The following BANP variants were observed in gnomAD, a reference collection of about 807,000 sequenced individuals.
The protein encoded by BANP is protein BANP.
In BANP, 11 loss-of-function variants were observed where a neutral mutation model predicts 68.1. The observed-to-expected ratio is 0.16, with a 90% confidence interval of 0.10 to 0.27. The LOEUF is 0.27. Among genes scored for constraint, BANP ranks in the 10% least tolerant of loss-of-function variants. The pLI, the probability that BANP is intolerant of heterozygous loss-of-function variation, is 1.00. For synonymous variants in BANP, 329 were observed against 303.2 expected (o/e 1.09, Z -0.88); for missense variants, 504 against 722.7 (o/e 0.70, Z 3.47).
intron 11 of BANP, among the ~76,000 whole-genome samples, chr16:88,059,536 G>C (rs1394251510): frequency 6.6e-6 from 1 of 152,104 alleles, no homozygotes; most frequent in African/African-American, 2.4e-5. Context: ...TAAGGGACAC[G>C]GTTCAGGCCA....
chr16:87,974,238 A>G (rs1264340592), intron 1 of BANP, among the ~76,000 whole-genome samples: 2 of 152,224 alleles, frequency 1.3e-5, no homozygotes, highest in South Asian at 2.1e-4. Context: ...CTGTGTGTCC[A>G]TAGACCATAG....
chr16:87,956,603 G>A (rs149426238), intron 1 of BANP: 1 of 152,262 alleles, frequency 6.6e-6, no homozygotes, highest in South Asian at 2.1e-4. Flanking sequence ...CCCTGCAGGA[G>A]AAGAATGGGG....
At position 88,030,779 on chromosome 16, in the gene BANP, C is replaced by T. The variant is rs188276449; in HGVS notation, c.1064-2330C>T. 1.3e-3 allele frequency among the ~76,000 whole-genome samples: 204 copies of T among 152,274 alleles called. 1 individual carries two copies. Among genetic ancestry groups the T allele is most frequent in the African/African-American group, 4.6e-3 (193 of 41,562 alleles). ...GTTGCAAGGTGCACTCTGGAGCACA[C>T]CCATTCTTTGCTTGTCTGCCCTGTG... On this transcript the variant is annotated intron_variant, in intron 8 of 13. Coordinates refer to ENST00000682872, the MANE Select transcript of BANP (RefSeq NM_001386991.1).
rs150961120 is a variant in BANP, at chr16:88,037,853, G to T, written c.1273-120G>T. 2.0e-5 allele frequency: 19 copies of T among 970,656 alleles called. No individual in the cohort carries two copies. The African/African-American group carries it at 2.9e-4, about 15-fold the overall frequency. 60.1% of individuals were successfully genotyped at this position (970,656 alleles called of 1,614,324 possible). A position where few individuals can be genotyped will look rare whatever the true frequency, so the allele number is the denominator to read the frequency against. Reference sequence around the variant, plus strand: ...TGCTACTGGAGGTTGAATTTTTGCAGAACTGGGGTTTTCTTGTTATTCTCA... The same window carrying T: ...TGCTACTGGAGGTTGAATTTTTGCATAACTGGGGTTTTCTTGTTATTCTCA... On this transcript the variant is annotated intron_variant, in intron 10 of 13. Transcript: ENST00000682872.
chr16:88,051,068 A>G (rs2083149934), intron 11 of BANP, among the ~76,000 whole-genome samples: 1 of 152,234 alleles, frequency 6.6e-6, no homozygotes, highest in Non-Finnish European at 1.5e-5. Flanking sequence ...CCAGCTGAGC[A>G]GTCACTCTTC....
At chr16:88,037,925 C>G (rs1567834582) in intron 10 of BANP, 48 bp from the exon 11 acceptor site, 1 of 1,582,000 alleles carries the variant, frequency 6.3e-7, no homozygotes, top group African/African-American at 1.3e-5. Flanking sequence ...CTGAGGGTGT[C>G]TTGGTGTGTT....
At chr16:88,065,841 G>A (rs923996108) in intron 12 of BANP, among the ~76,000 whole-genome samples, 1 of 152,104 alleles carries the variant, frequency 6.6e-6, no homozygotes, top group Non-Finnish European at 1.5e-5. Context: ...CCCTGATCCC[G>A]GGAGGCCCAC....
rs554594930 is a variant in BANP, at chr16:88,025,100, C to G, written c.896-2383C>G. 7.2e-5 allele frequency among the ~76,000 whole-genome samples: 11 copies of G among 152,212 alleles called. 1 individual carries two copies. In the South Asian group the frequency reaches 2.3e-3, roughly 32 times the overall value. On this transcript the variant is annotated intron_variant, in intron 7 of 13. Coordinates refer to ENST00000682872, the MANE Select transcript of BANP (RefSeq NM_001386991.1). ...ATGTTTCTTTTTATCGACTCGTGCTCCAAAGATGTTTTCCTGCTGGTGGGA... is the reference window on the plus strand; with the variant it reads ...ATGTTTCTTTTTATCGACTCGTGCTGCAAAGATGTTTTCCTGCTGGTGGGA...
At chr16:88,074,247 TTGCA>T (rs1401883725) in intron 13 of BANP, among the ~76,000 whole-genome samples, 3 of 152,104 alleles carry the variant, frequency 2.0e-5, no homozygotes, top group Non-Finnish European at 4.4e-5. Flanking sequence ...GTCTTGCATC[TTGCA>T]TGGGTCAGAG....
At chr16:88,024,269 C>T (rs973053579) in intron 7 of BANP, among the ~76,000 whole-genome samples, 5 of 152,178 alleles carry the variant, frequency 3.3e-5, no homozygotes, top group African/African-American at 9.7e-5. Flanking sequence ...GAAGCTTGCA[C>T]TTTAAGGCCG....
At chr16:87,952,909 G>A (rs1188913094) in intron 1 of BANP, among the ~76,000 whole-genome samples, 2 of 151,980 alleles carry the variant, frequency 1.3e-5, no homozygotes, top group African/African-American at 4.8e-5. Context: ...TGAGTAGCTC[G>A]GACCACAGAC....
At chr16:88,051,159 A>G (rs896796242) in intron 11 of BANP, among the ~76,000 whole-genome samples, 16 of 152,092 alleles carry the variant, frequency 1.1e-4, no homozygotes, top group African/African-American at 3.4e-4. Flanking sequence ...GCCTCGCAGC[A>G]TGAGATCAAG....
At chr16:87,976,542 C>T (rs907893623) in intron 2 of BANP, among the ~76,000 whole-genome samples, 1 of 131,966 alleles carries the variant, frequency 7.6e-6, no homozygotes, top group Non-Finnish European at 1.5e-5. Flanking sequence ...AGTGACCAGC[C>T]CACCACAGTT....
chr16:88,023,863 C>T (rs1598552379), intron 7 of BANP, among the ~76,000 whole-genome samples: 1 of 152,166 alleles, frequency 6.6e-6, no homozygotes, highest in Non-Finnish European at 1.5e-5. Flanking sequence ...GGGATGCTGC[C>T]TGGCTGAGCC....
At chr16:87,968,731 C>G (rs538174419) in intron 1 of BANP, among the ~76,000 whole-genome samples, 1 of 152,018 alleles carries the variant, frequency 6.6e-6, no homozygotes, top group South Asian at 2.1e-4. Flanking sequence ...GGAGCAGCTC[C>G]GAAGGCTGAG....
chr16:88,041,244 AG>A (rs2080717876), intron 11 of BANP, among the ~76,000 whole-genome samples: 1 of 151,950 alleles, frequency 6.6e-6, no homozygotes, highest in African/African-American at 2.4e-5. Context: ...CCACGGAGGG[AG>A]GGTTGTGCGC....
chr16:87,984,015 C>T, intron 3 of BANP, 45 bp from the exon 4 acceptor site: 2 of 1,593,666 alleles, frequency 1.3e-6, no homozygotes, highest in South Asian at 2.3e-5. Flanking sequence ...TGTCTTCTTA[C>T]AGTTCAGGAG....
At chr16:88,011,117 C>T (rs1235549115) in intron 6 of BANP, among the ~76,000 whole-genome samples, 3 of 152,158 alleles carry the variant, frequency 2.0e-5, no homozygotes, top group Non-Finnish European at 2.9e-5. Flanking sequence ...TGCCACAGAG[C>T]GGCCGGAAGG....
At chr16:87,977,185 C>T (rs1295797378) in intron 2 of BANP, among the ~76,000 whole-genome samples, 11 of 152,118 alleles carry the variant, frequency 7.2e-5, no homozygotes, top group East Asian at 3.8e-4. Flanking sequence ...GAGGCTGAGG[C>T]GGGCGGATCA....
Sources: allele counts gnomAD v4.1 joint callset (sites outside exome capture counted in the v4.1 genomes callset), GRCh38; gene constraint gnomAD v4.1.1; transcripts MANE v1.5; gene names NCBI Gene and HGNC (gene_info 2026-07-23, HGNC 2026-07-21).